The following SLC4A4 variants were observed in gnomAD, a reference collection of about 807,000 sequenced individuals.
SLC4A4 encodes the protein solute carrier family 4 member 4.
A neutral mutation model predicts 111.5 loss-of-function variants in SLC4A4; 27 were observed. That is an observed-to-expected ratio of 0.24 (90% CI 0.18 to 0.33). The LOEUF (loss-of-function observed/expected upper bound fraction) is 0.33, where lower values mean the gene tolerates loss of function less well. Ranked by LOEUF, SLC4A4 falls within the 10% of genes least tolerant of loss-of-function variation. The pLI, the probability that SLC4A4 is intolerant of heterozygous loss-of-function variation, is 1.00. For missense variants in SLC4A4, 909 were observed against 1,315.5 expected (o/e 0.69, Z 4.78); for synonymous variants, 443 against 463.4 (o/e 0.96, Z 0.57).
intron 2 of SLC4A4, among the ~76,000 whole-genome samples, chr4:71,145,131 G>T (rs370655622): frequency 6.6e-6 from 1 of 152,140 alleles, no homozygotes. Flanking sequence ...CATCAATACC[G>T]AATTTATTGA....
At chr4:71,158,792 G>A (rs2148976414) in intron 2 of SLC4A4, among the ~76,000 whole-genome samples, 1 of 152,240 alleles carries the variant, frequency 6.6e-6, no homozygotes, top group East Asian at 1.9e-4. Context: ...AGGAGAGTAT[G>A]GGTAAAGTAT....
At chr4:71,154,864 G>A (rs932484821) in intron 2 of SLC4A4, among the ~76,000 whole-genome samples, 1 of 151,710 alleles carries the variant, frequency 6.6e-6, no homozygotes, top group Non-Finnish European at 1.5e-5. Context: ...TCAGTGTTAT[G>A]GAAAAAAATC....
chr4:71,135,884 C>T (rs907263921), intron 2 of SLC4A4, among the ~76,000 whole-genome samples: 6 of 152,196 alleles, frequency 3.9e-5, no homozygotes, highest in African/African-American at 1.4e-4. Context: ...TACTTGTACT[C>T]TTTGAGTTGT....
chr4:71,547,325 A>G lies in SLC4A4; in HGVS notation c.2622-323A>G, dbSNP rs541160203. 2.6e-5 allele frequency among the ~76,000 whole-genome samples: 4 copies of G among 152,130 alleles called. No individual in the cohort carries two copies. The East Asian group carries it at 7.8e-4, about 30-fold the overall frequency. ...ACAAGAGGATAAATTGCTTTAAAAA[A>G]TAAGGTCTTCAAAGAGTCCAGTAAT... On this transcript the variant is annotated intron_variant, in intron 19 of 25. Transcript: ENST00000264485.
intron 16 of SLC4A4, among the ~76,000 whole-genome samples, chr4:71,498,123 G>A (rs1178651900): frequency 6.6e-6 from 1 of 152,078 alleles, no homozygotes; most frequent in Admixed American, 6.6e-5. Flanking sequence ...ATGGGCTGTG[G>A]GAGTAAACTT....
At chr4:71,487,062 A>G in intron 15 of SLC4A4, 44 bp downstream of exon 15, 1 of 1,125,046 alleles carries the variant, frequency 8.9e-7, no homozygotes. Context: ...CTGACTGCAT[A>G]TTGTATACTT....
At position 71,130,219 on chromosome 4, in the gene SLC4A4, C is replaced by T. The variant is rs1201071595; in HGVS notation, c.-2+37427C>T. Among the ~76,000 whole-genome samples, 2 of 152,008 alleles carry T rather than the reference C, an allele frequency of 1.3e-5. 1 individual carries two copies. The highest frequency in any genetic ancestry group is 4.2e-4 in the South Asian group (2 of 4,818). ...TGACCTCTTCAATTGCCAGAGTTCT[C>T]TTGTAATGTTAATTATTTTTTTTTT... On this transcript the variant is annotated intron_variant, in intron 2 of 26. Coordinates refer to the SLC4A4 transcript ENST00000649996.
chr4:71,234,702 G>A (rs1057035688), intron 1 of SLC4A4, among the ~76,000 whole-genome samples: 2 of 152,184 alleles, frequency 1.3e-5, no homozygotes, highest in African/African-American at 4.8e-5. Flanking sequence ...TACAGGTGCC[G>A]GGATTACAGG....
chr4:71,067,931 T>C (rs1281306597), intron 1 of SLC4A4, among the ~76,000 whole-genome samples: 2 of 151,982 alleles, frequency 1.3e-5, no homozygotes, highest in Non-Finnish European at 2.9e-5. Flanking sequence ...AAAATTTTTG[T>C]AGAGATAGGA....
intron 1 of SLC4A4, among the ~76,000 whole-genome samples, chr4:71,090,145 C>T (rs896201232): frequency 2.6e-5 from 4 of 152,078 alleles, no homozygotes; most frequent in Admixed American, 6.5e-5. Flanking sequence ...TGATCTCAGA[C>T]TGCTGTGCTA....
In SLC4A4 at chr4:71,453,517, G is replaced by C; in HGVS notation, c.1345G>C (p.Asp449His). 6.2e-7 allele frequency: 1 copy of C among 1,613,916 alleles called. No homozygotes were observed. The highest frequency in any genetic ancestry group is 8.5e-7 in the Non-Finnish European group (1 of 1,179,856). The change falls in exon 12 of 26, where the codon GAC (aspartate) becomes CAC (histidine). Residue 449 changes from aspartate to histidine, a missense_variant. Around this residue, in one of 7 missense-constraint regions of SLC4A4, gnomAD observed 312 missense variants for 402.0 expected, o/e 0.78. Transcript: ENST00000264485. ...CAGGTTCTGTGGTGGACTAATTAAA[G>C]ACATAAAGAGGAAAGCGCCATTTTT... ...TGRFCGGLIKDIKRKAPFFAS... is the reference protein window; with the variant it reads ...TGRFCGGLIKHIKRKAPFFAS...
intron 1 of SLC4A4, among the ~76,000 whole-genome samples, chr4:71,203,972 C>T (rs1432466829): frequency 3.3e-5 from 5 of 152,040 alleles, no homozygotes; most frequent in African/African-American, 4.8e-5. Flanking sequence ...ACCTAATAAG[C>T]GAAACACTGT....
intron 3 of SLC4A4, among the ~76,000 whole-genome samples, chr4:71,305,562 G>A (rs1005557017): frequency 1.3e-5 from 2 of 152,222 alleles, no homozygotes; most frequent in African/African-American, 4.8e-5. Context: ...TGATGCATGT[G>A]TTATATTAGA....
chr4:71,169,618 G>C (rs1744882693), intron 2 of SLC4A4, among the ~76,000 whole-genome samples: 1 of 152,006 alleles, frequency 6.6e-6, no homozygotes, highest in African/African-American at 2.4e-5. Context: ...TTGTCAAATG[G>C]GTAGTTTGCA....
chr4:71,093,672 G>A (rs1398173933), intron 2 of SLC4A4, among the ~76,000 whole-genome samples: 2 of 152,062 alleles, frequency 1.3e-5, no homozygotes, highest in Non-Finnish European at 2.9e-5. Context: ...TGCTATTGTT[G>A]TTGTTGGTAA....
At chr4:71,141,784 A>G (rs1489500885) in intron 2 of SLC4A4, among the ~76,000 whole-genome samples, 3 of 152,248 alleles carry the variant, frequency 2.0e-5, no homozygotes, top group Non-Finnish European at 4.4e-5. Flanking sequence ...GGATGGATGA[A>G]TCAATTCATT....
At chr4:71,522,880 CAT>C (rs2149195784) in intron 16 of SLC4A4, among the ~76,000 whole-genome samples, 1 of 152,214 alleles carries the variant, frequency 6.6e-6, no homozygotes, top group Admixed American at 6.5e-5. Context: ...TTAATGAAAA[CAT>C]AATGAGCATT....
chr4:71,087,714 T>A (rs557855094), intron 1 of SLC4A4, among the ~76,000 whole-genome samples: 2 of 152,192 alleles, frequency 1.3e-5, no homozygotes, highest in East Asian at 3.9e-4. Context: ...GTTGAGCGGT[T>A]TTGAGCAAGT....
At chr4:71,155,664 C>A (rs1317436954) in intron 2 of SLC4A4, among the ~76,000 whole-genome samples, 1 of 151,956 alleles carries the variant, frequency 6.6e-6, no homozygotes, top group Non-Finnish European at 1.5e-5. Context: ...GGGTTTCACT[C>A]TGTTGCCCAG....
Sources: gnomAD v4.1 joint callset for allele counts (sites outside exome capture counted in the v4.1 genomes callset) on GRCh38, gnomAD v4.1.1 for gene constraint, gnomAD v4.1.1 regional missense constraint, MANE v1.5 for transcripts, NCBI Gene and HGNC (gene_info 2026-07-23, HGNC 2026-07-21) for gene names.